Variants in STK3 observed in about 807,000 individuals in gnomAD.
The protein encoded by STK3 is serine/threonine-protein kinase 3.
In STK3, 41 loss-of-function variants were observed where a neutral mutation model predicts 58.0. That is an observed-to-expected ratio of 0.71 (90% CI 0.55 to 0.92). The LOEUF is 0.92. Ranked by LOEUF, STK3 falls within the 40% of genes least tolerant of loss-of-function variation. The probability of loss-of-function intolerance (pLI) is 0.00; values close to 1 mark genes in which losing one functional copy is unlikely to be tolerated. For missense variants in STK3, 479 were observed against 602.7 expected (o/e 0.79, Z 2.15); for synonymous variants, 170 against 191.0 (o/e 0.89, Z 0.91).
At chr8:98,407,898 G>C (rs1818014280) in intron 3 of STK3, among the ~76,000 whole-genome samples, 1 of 152,226 alleles carries the variant, frequency 6.6e-6, no homozygotes, top group Admixed American at 6.5e-5. Flanking sequence ...TGGATATGGG[G>C]GAAGAAAGGG....
At chr8:98,570,658 A>G (rs976572334) in intron 8 of STK3, among the ~76,000 whole-genome samples, 9 of 152,210 alleles carry the variant, frequency 5.9e-5, no homozygotes, top group South Asian at 2.1e-4. Flanking sequence ...AAACAGAACA[A>G]TAACAAAAAC....
intron 1 of STK3, among the ~76,000 whole-genome samples, chr8:98,794,770 A>G (rs1008995772): frequency 6.6e-6 from 1 of 152,028 alleles, no homozygotes; most frequent in Admixed American, 6.6e-5. Flanking sequence ...CCTCAGTAAA[A>G]TAACTAGTAA....
At chr8:98,349,632 C>T in the STK3 span, among the ~76,000 whole-genome samples, 1 of 152,260 alleles carries the variant, frequency 6.6e-6, no homozygotes, top group Non-Finnish European at 1.5e-5. Context: ...AAACTTCTAT[C>T]TGGACATCCA....
intron 6 of STK3, among the ~76,000 whole-genome samples, chr8:98,676,629 A>G (rs1823234286): frequency 6.6e-6 from 1 of 151,948 alleles, no homozygotes; most frequent in Non-Finnish European, 1.5e-5. Flanking sequence ...AAAAAAAAAA[A>G]GTTAAACGGT....
chr8:98,621,791 A>ATATAGTGTTTAACACT (rs1280378081), intron 6 of STK3, among the ~76,000 whole-genome samples: 1 of 152,096 alleles, frequency 6.6e-6, no homozygotes, highest in African/African-American at 2.4e-5. Context: ...TATGACCCTG[A>ATATAGTGTTTAACACT]ATAAAGCAAC....
Position 98,710,367 on chromosome 8 carries a change from G to A in STK3, c.352-3056C>T, listed in dbSNP as rs571760818. 7.2e-5 allele frequency among the ~76,000 whole-genome samples: 11 copies of A among 152,306 alleles called. No homozygotes were observed. The East Asian group carries it at 2.1e-3, about 29-fold the overall frequency. On this transcript the variant is annotated intron_variant, in intron 4 of 10. Coordinates refer to ENST00000419617, the MANE Select transcript of STK3 (RefSeq NM_006281.4). ...GCATCACCTCACCTGGGAAGTGCAA[G>A]GGGTCAGGGAATTCCCTTTCCTAGT...
At chr8:98,663,511 C>T (rs951104158) in intron 6 of STK3, among the ~76,000 whole-genome samples, 4 of 152,142 alleles carry the variant, frequency 2.6e-5, no homozygotes. Context: ...CCCAGCCATC[C>T]CATTGCTGGG....
intron 3 of STK3, among the ~76,000 whole-genome samples, chr8:98,857,171 G>T (rs1336625228): frequency 6.6e-6 from 1 of 151,990 alleles, no homozygotes; most frequent in African/African-American, 2.4e-5. Flanking sequence ...CGTACTAAAG[G>T]CCACCGAATC....
chr8:98,826,213 C>T (rs1291859842), upstream of STK3, among the ~76,000 whole-genome samples: 1 of 152,232 alleles, frequency 6.6e-6, no homozygotes, highest in Non-Finnish European at 1.5e-5. Flanking sequence ...AACGACACAT[C>T]CTAACATCGT....
At position 98,393,289 on chromosome 8, in the gene STK3, A is replaced by G. The variant is rs574994607; in HGVS notation, n.428-5042T>C. Among the ~76,000 whole-genome samples the G allele has an allele frequency of 3.3e-5, 5 of 152,188 alleles. No individual in the cohort carries two copies. The East Asian group carries it at 9.7e-4, about 29-fold the overall frequency. On this transcript the variant is annotated intron_variant and non_coding_transcript_variant, in intron 3 of 5. Coordinates refer to the STK3 transcript ENST00000649151. The stretch of plus-strand genomic sequence containing the variant: ...CCAGAGTCAGGGATGACTCTGAGTG[A>G]CCCTGGGCCTGTCACTCCAATGTCC...
downstream of STK3, among the ~76,000 whole-genome samples, chr8:98,400,751 A>G (rs1162609143): frequency 6.6e-6 from 1 of 151,854 alleles, no homozygotes; most frequent in Non-Finnish European, 1.5e-5. Flanking sequence ...TTTGAAGTCT[A>G]TTTCAGTTAA....
At chr8:98,655,278 C>T (rs559614374) in intron 6 of STK3, among the ~76,000 whole-genome samples, 13 of 152,198 alleles carry the variant, frequency 8.5e-5, no homozygotes, top group South Asian at 4.1e-4. Context: ...AACTGGCTAG[C>T]GACATGTAGA....
At chr8:98,590,112 T>G (rs1412006908) in intron 7 of STK3, among the ~76,000 whole-genome samples, 2 of 152,246 alleles carry the variant, frequency 1.3e-5, no homozygotes, top group East Asian at 1.9e-4. Flanking sequence ...TTCGGCCATC[T>G]TGGCTCCTCC....
chr8:98,783,124 G>A (rs1832217860), intron 1 of STK3, among the ~76,000 whole-genome samples: 1 of 151,874 alleles, frequency 6.6e-6, no homozygotes, highest in Non-Finnish European at 1.5e-5. Flanking sequence ...AGACATATAG[G>A]CATATCTCAG....
At chr8:98,515,339 C>G (rs567279207) in intron 10 of STK3, among the ~76,000 whole-genome samples, 127 of 152,238 alleles carry the variant, frequency 8.3e-4, no homozygotes, top group African/African-American at 3.0e-3. Flanking sequence ...ATATCCAATA[C>G]TAGTCTGTTC....
At chr8:98,867,415 G>A (rs778497496) in intron 3 of STK3, among the ~76,000 whole-genome samples, 15 of 152,180 alleles carry the variant, frequency 9.9e-5, no homozygotes, top group Non-Finnish European at 1.5e-4. Context: ...ACCCTGTCTC[G>A]AAAAAATAAT....
chr8:98,401,202 CAAG>C (rs1817940834), downstream of STK3, among the ~76,000 whole-genome samples: 1 of 152,058 alleles, frequency 6.6e-6, no homozygotes, highest in African/African-American at 2.4e-5. Flanking sequence ...AGAGAAATCG[CAAG>C]AAGCCCCAGG....
intron 1 of STK3, among the ~76,000 whole-genome samples, chr8:98,792,018 C>G (rs1003280856): frequency 3.4e-4 from 52 of 152,188 alleles, no homozygotes; most frequent in African/African-American, 1.3e-3. Context: ...GCAGAGTAAA[C>G]AGACAACCCA....
intron 3 of STK3, among the ~76,000 whole-genome samples, chr8:98,843,986 T>C (rs1836097697): frequency 6.6e-6 from 1 of 152,132 alleles, no homozygotes; most frequent in Admixed American, 6.5e-5. Flanking sequence ...AAAATGGGAC[T>C]GCGTCTCTTA....
Sources: gnomAD v4.1 joint callset for allele counts (sites outside exome capture counted in the v4.1 genomes callset) on GRCh38, gnomAD v4.1.1 for gene constraint, MANE v1.5 for transcripts, NCBI Gene and HGNC (gene_info 2026-07-23, HGNC 2026-07-21) for gene names.